RIOK1: variants seen among roughly 807,000 people sequenced by gnomAD.
RIOK1 encodes the protein serine/threonine-protein kinase RIO1.
Under a neutral mutation model 73.5 loss-of-function variants are expected in RIOK1, and 66 were observed. The ratio of observed to expected loss-of-function variants is 0.90; its 90% CI spans 0.74 to 1.10. The LOEUF (loss-of-function observed/expected upper bound fraction) is 1.10, where lower values mean the gene tolerates loss of function less well. RIOK1 is among the 50% of genes least tolerant of loss of function. The probability of loss-of-function intolerance (pLI) is 0.00; values close to 1 mark genes in which losing one functional copy is unlikely to be tolerated. For missense variants in RIOK1, 658 were observed against 699.8 expected, an observed-to-expected ratio of 0.94 and a Z score of 0.67; for synonymous variants, 224 against 226.8, an observed-to-expected ratio of 0.99 and a Z score of 0.11.
chr6:7,404,059 C>A, intron 9 of RIOK1, 32 bp downstream of exon 9: 1 of 1,389,316 alleles, frequency 7.2e-7, no homozygotes, highest in Non-Finnish European at 1.0e-6. Context: ...TAATTGCATT[C>A]TCAGAACTGT....
At position 7,417,496 on chromosome 6, in the gene RIOK1, C is replaced by A; in HGVS notation, c.*55C>A. ...TCCTCAGTTCCTTTTCTCGCCTGAA[C>A]TCTTAAGCTGCATCTGGAAGATGGC... is the stretch of plus-strand genomic sequence containing the variant. On this transcript the variant is annotated 3_prime_UTR_variant, in exon 17 of 17. Coordinates refer to ENST00000379834, the MANE Select transcript of RIOK1 (RefSeq NM_031480.3). 1 of 1,101,008 alleles carries A rather than the reference C, an allele frequency of 9.1e-7. No individual in the cohort carries two copies. The highest frequency in any genetic ancestry group is 1.3e-6 in the Non-Finnish European group (1 of 769,662). The allele number at this position is 1,101,008 out of a possible 1,614,324, so 68.2% of individuals were successfully genotyped here. A position where few individuals can be genotyped will look rare whatever the true frequency, so the allele number is the denominator to read the frequency against.
At chr6:7,391,696 C>A (rs891786792) in intron 1 of RIOK1, among the ~76,000 whole-genome samples, 22 of 152,172 alleles carry the variant, frequency 1.4e-4, no homozygotes, top group African/African-American at 5.3e-4. Flanking sequence ...TTGTATGTCA[C>A]AGCTGGGGGT....
intron 6 of RIOK1, among the ~76,000 whole-genome samples, chr6:7,401,369 C>G (rs11243165): frequency 0.44 from 66,448 of 151,912 alleles, 16,837 homozygotes; most frequent in Middle Eastern, 0.59. Flanking sequence ...GCAAGTCTTT[C>G]TTATTTTTTT....
chr6:7,390,204 T>C (rs376635378), intron 1 of RIOK1, 131 bp downstream of exon 1: 10 of 737,968 alleles, frequency 1.4e-5, no homozygotes, highest in African/African-American at 1.8e-5. Flanking sequence ...TTGACAACCC[T>C]TTGCCTGTTT....
At chr6:7,398,785 T>G (rs1761542225) in intron 5 of RIOK1, 45 bp downstream of exon 5, 1 of 1,472,206 alleles carries the variant, frequency 6.8e-7, no homozygotes. Context: ...AATTAGCATT[T>G]CTTCTCTCTT....
chr6:7,416,458 C>T (rs1404285597), intron 16 of RIOK1, among the ~76,000 whole-genome samples: 1 of 152,084 alleles, frequency 6.6e-6, no homozygotes, highest in Non-Finnish European at 1.5e-5. Flanking sequence ...ACCATCCTGG[C>T]TAACATGGTG....
chr6:7,407,625 A>G (rs6921373), intron 12 of RIOK1, among the ~76,000 whole-genome samples: 10,895 of 151,900 alleles, frequency 0.072, 769 homozygotes, highest in African/African-American at 0.18. Context: ...TGCTGAGACT[A>G]TAGGTGCAGA....
intron 2 of RIOK1, among the ~76,000 whole-genome samples, chr6:7,393,753 A>AT (rs1365756976): frequency 6.6e-6 from 1 of 152,230 alleles, no homozygotes; most frequent in East Asian, 1.9e-4. Context: ...CTGGTATGTG[A>AT]TAAAAACTTT....
chr6:7,400,885 A>T, intron 5 of RIOK1, 73 bp from the exon 6 acceptor site: 1 of 837,936 alleles, frequency 1.2e-6, no homozygotes, highest in Non-Finnish European at 2.0e-6. Flanking sequence ...CTGTTTATTG[A>T]TTGTCACAGG....
rs772096523 is a variant in RIOK1 at position 7,404,984 on chromosome 6, C to T, written c.1059C>T (p.Ala353=). The change falls in exon 11 of 17, where the codon GCC becomes GCT. Residue 353 remains alanine, a synonymous_variant. Coordinates refer to ENST00000379834, the MANE Select transcript of RIOK1 (RefSeq NM_031480.3). ...CCGTGGAGCACGACCACCCACATGC[C>T]TTGGAGTTCTTGAGAAAGGATTGCG... is the stretch of plus-strand genomic sequence containing the variant. ...SQSVEHDHPH[A]LEFLRKDCAN... 1.9e-6 allele frequency: 3 copies of T among 1,614,054 alleles called. No individual in the cohort carries two copies. The African/African-American group carries it at 4.0e-5, about 22-fold the overall frequency.
In RIOK1 at chr6:7,417,748, A is replaced by G. The variant is rs1329066953; in HGVS notation, c.*307A>G. 5.9e-6 allele frequency: 1 copy of G among 169,138 alleles called. No individual in the cohort carries two copies. Among genetic ancestry groups the G allele is most frequent in the Non-Finnish European group, 1.3e-5 (1 of 77,894 alleles). The allele number at this position is 169,138 out of a possible 1,614,324, so 10.5% of individuals were successfully genotyped here. ...CAAATATGTTTTTGGAAGCATGATA[A>G]ATGTTTAAATGTAGTCAACATCTGT... On this transcript the variant is annotated 3_prime_UTR_variant, in exon 17 of 17. Coordinates refer to ENST00000379834, the MANE Select transcript of RIOK1 (RefSeq NM_031480.3).
Position 7,389,914 on chromosome 6 carries a change from G to T in RIOK1, c.-89G>T. On this transcript the variant is annotated 5_prime_UTR_variant, in exon 1 of 17. Coordinates refer to ENST00000379834, the MANE Select transcript of RIOK1 (RefSeq NM_031480.3). Reference sequence around the variant, plus strand: ...AATGGTTTGCAAGGCGGATATCCACGCCAAGGCCTTTGGATCGGCCGTGGG... The same window carrying T: ...AATGGTTTGCAAGGCGGATATCCACTCCAAGGCCTTTGGATCGGCCGTGGG... The T allele has an allele frequency of 9.8e-7, 1 of 1,025,418 alleles. No individual in the cohort carries two copies. Among genetic ancestry groups the T allele is most frequent in the Non-Finnish European group, 1.4e-6 (1 of 698,236 alleles). 63.5% of individuals were successfully genotyped at this position (1,025,418 alleles called of 1,614,324 possible).
chr6:7,406,694 C>T (rs1398600785), intron 12 of RIOK1, among the ~76,000 whole-genome samples: 1 of 152,152 alleles, frequency 6.6e-6, no homozygotes, highest in Non-Finnish European at 1.5e-5. Flanking sequence ...CAGGGTCTCA[C>T]TCTGTCACCA....
chr6:7,409,888 C>T (rs1244230423), intron 12 of RIOK1, among the ~76,000 whole-genome samples: 1 of 151,906 alleles, frequency 6.6e-6, no homozygotes. Flanking sequence ...CCAAAAGAAC[C>T]CTTTGGAATC....
chr6:7,394,960 C>G (rs1581710983), intron 2 of RIOK1, 93 bp from the exon 3 acceptor site: 1 of 1,549,130 alleles, frequency 6.5e-7, no homozygotes. Context: ...AGTATTGATG[C>G]TTTAATAGCT....
At chr6:7,401,809 G>A (rs1434780199) in intron 6 of RIOK1, among the ~76,000 whole-genome samples, 3 of 149,284 alleles carry the variant, frequency 2.0e-5, no homozygotes, top group African/African-American at 7.4e-5. Flanking sequence ...CTCCCGAATA[G>A]CTGGGACTAC....
chr6:7,397,998 C>T (rs1210003614), intron 4 of RIOK1, among the ~76,000 whole-genome samples: 6 of 152,104 alleles, frequency 3.9e-5, no homozygotes, highest in African/African-American at 1.4e-4. Flanking sequence ...AAAAATTAGC[C>T]GGGCTTGGCG....
chr6:7,411,514 C>T lies in RIOK1; in HGVS notation c.1389+63C>T, dbSNP rs926275434. On this transcript the variant is annotated intron_variant, in intron 14 of 16. Transcript: ENST00000379834. ...AAAAGTAGTAGGGGACTGTCCCAAA[C>T]CTATCTGGGCCTTTTAAGTTCCCCT... 1.5e-5 allele frequency: 23 copies of T among 1,561,126 alleles called. No individual in the cohort carries two copies. In the African/African-American group the frequency reaches 3.0e-4, roughly 21 times the overall value.
chr6:7,391,033 G>A (rs1002910338), intron 1 of RIOK1, among the ~76,000 whole-genome samples: 1 of 152,206 alleles, frequency 6.6e-6, no homozygotes, highest in Non-Finnish European at 1.5e-5. Flanking sequence ...TAGACTGGAC[G>A]TGGAGTCTGG....
Sources: gnomAD v4.1 joint callset for allele counts (sites outside exome capture counted in the v4.1 genomes callset) on GRCh38, gnomAD v4.1.1 for gene constraint, MANE v1.5 for transcripts, NCBI Gene and HGNC (gene_info 2026-07-23, HGNC 2026-07-21) for gene names.